The following CSNK2A2IP variants were observed in gnomAD, a reference collection of about 807,000 sequenced individuals.
CSNK2A2IP encodes the protein casein kinase II subunit alpha'-interacting protein.
the CSNK2A2IP span, among the ~76,000 whole-genome samples, chr3:88,396,193 C>T: frequency 6.6e-6 from 1 of 150,822 alleles, no homozygotes; most frequent in African/African-American, 2.4e-5. Flanking sequence ...CAGGCTCCGC[C>T]CCCTGGGGTT....
chr3:88,444,151 C>T, the CSNK2A2IP span, among the ~76,000 whole-genome samples: 2 of 151,838 alleles, frequency 1.3e-5, no homozygotes, highest in South Asian at 4.2e-4. Context: ...AGTTAATGTA[C>T]CTCTGTTCAT....
the CSNK2A2IP span, among the ~76,000 whole-genome samples, chr3:88,430,212 A>G: frequency 6.6e-6 from 1 of 152,112 alleles, no homozygotes; most frequent in African/African-American, 2.4e-5. Flanking sequence ...TGTACCTTCT[A>G]AATATTGTTA....
chr3:88,400,220 T>C, the CSNK2A2IP span, among the ~76,000 whole-genome samples: 1 of 152,126 alleles, frequency 6.6e-6, no homozygotes, highest in Admixed American at 6.6e-5. Context: ...GTTATTTCAT[T>C]CAGTATTTAA....
chr3:88,459,860 GT>G, the CSNK2A2IP span, among the ~76,000 whole-genome samples: 4 of 151,328 alleles, frequency 2.6e-5, no homozygotes, highest in Non-Finnish European at 4.4e-5. Flanking sequence ...TAACATCATT[GT>G]TTTTTTTAAG....
chr3:88,449,874 T>TATAGAGAGAGAGAGAGAGAGAG, the CSNK2A2IP span, among the ~76,000 whole-genome samples: 1 of 70,108 alleles, frequency 1.4e-5, no homozygotes, highest in Non-Finnish European at 3.2e-5. Context: ...TATATATATA[T>TATAGAGAGAGAGAGAGAGAGAG]AGAGAGAGAG....
the CSNK2A2IP span, among the ~76,000 whole-genome samples, chr3:88,454,999 CTG>C: frequency 6.6e-6 from 1 of 151,852 alleles, no homozygotes; most frequent in African/African-American, 2.4e-5. Flanking sequence ...CTTTCTGAGT[CTG>C]TCTTATTTCA....
the CSNK2A2IP span, among the ~76,000 whole-genome samples, chr3:88,384,466 G>A: frequency 1.3e-5 from 2 of 152,138 alleles, no homozygotes; most frequent in Non-Finnish European, 2.9e-5. Flanking sequence ...TCTGAGGCTG[G>A]AAAGAACATG....
the CSNK2A2IP span, among the ~76,000 whole-genome samples, chr3:88,436,496 A>G: frequency 6.6e-6 from 1 of 152,184 alleles, no homozygotes; most frequent in Admixed American, 6.5e-5. Context: ...GTTGAGTTAT[A>G]TCATGCTAAC....
At chr3:88,349,125 A>C in the CSNK2A2IP span, among the ~76,000 whole-genome samples, 2 of 151,934 alleles carry the variant, frequency 1.3e-5, no homozygotes, top group African/African-American at 4.8e-5. Flanking sequence ...AAAAATAATA[A>C]TTTTATTTTT....
the CSNK2A2IP span, among the ~76,000 whole-genome samples, chr3:88,426,209 A>G: frequency 1.3e-5 from 2 of 152,208 alleles, no homozygotes; most frequent in Admixed American, 1.3e-4. Flanking sequence ...TTTTTGATAT[A>G]AGGTTACTGG....
the CSNK2A2IP span, among the ~76,000 whole-genome samples, chr3:88,376,120 A>C: frequency 6.6e-6 from 1 of 151,706 alleles, no homozygotes; most frequent in African/African-American, 2.4e-5. Context: ...TCATTATTTA[A>C]AATTATTTTT....
chr3:88,414,500 C>T, the CSNK2A2IP span, among the ~76,000 whole-genome samples: 1 of 151,616 alleles, frequency 6.6e-6, no homozygotes, highest in Non-Finnish European at 1.5e-5. Flanking sequence ...CCAGGCTGCT[C>T]TCGATCTCCT....
At chr3:88,389,160 A>G in the CSNK2A2IP span, among the ~76,000 whole-genome samples, 1 of 152,136 alleles carries the variant, frequency 6.6e-6, no homozygotes, top group South Asian at 2.1e-4. Flanking sequence ...TAGGAAAATT[A>G]GGAGTAATTG....
chr3:88,374,779 G>T, the CSNK2A2IP span, among the ~76,000 whole-genome samples: 1 of 151,598 alleles, frequency 6.6e-6, no homozygotes, highest in African/African-American at 2.4e-5. Context: ...AAACACATGG[G>T]AATACTTGGG....
the CSNK2A2IP span, among the ~76,000 whole-genome samples, chr3:88,457,755 T>TCAAAA: frequency 6.6e-6 from 1 of 150,816 alleles, no homozygotes; most frequent in Non-Finnish European, 1.5e-5. Flanking sequence ...TAAAATAAAA[T>TCAAAA]CTAGTAGTTT....
At chr3:88,429,015 C>T in the CSNK2A2IP span, among the ~76,000 whole-genome samples, 1 of 84,198 alleles carries the variant, frequency 1.2e-5, no homozygotes, top group African/African-American at 4.7e-5. Context: ...AATATTGGCC[C>T]TTGATTTTAG....
chr3:88,449,818 GAGACACACACACACACAC>G, the CSNK2A2IP span, among the ~76,000 whole-genome samples: 1 of 61,726 alleles, frequency 1.6e-5, no homozygotes, highest in Non-Finnish European at 3.0e-5. Context: ...TTTTTATATC[GAGACACACACACACACAC>G]ACACACACAC....
chr3:88,377,304 A>G, the CSNK2A2IP span, among the ~76,000 whole-genome samples: 1 of 151,694 alleles, frequency 6.6e-6, no homozygotes, highest in Non-Finnish European at 1.5e-5. Flanking sequence ...CTTTACCTAG[A>G]TTTGTGAACT....
the CSNK2A2IP span, among the ~76,000 whole-genome samples, chr3:88,402,620 AAT>A: frequency 4.0e-5 from 6 of 150,962 alleles, no homozygotes; most frequent in African/African-American, 1.4e-4. Flanking sequence ...GAATTTATAC[AAT>A]ATGTTACCTG....
Sources: allele counts gnomAD v4.1 joint callset (sites outside exome capture counted in the v4.1 genomes callset), GRCh38; gene constraint gnomAD v4.1.1; transcripts MANE v1.5; gene names NCBI Gene and HGNC (gene_info 2026-07-23, HGNC 2026-07-21).